The following VAPA variants were observed in gnomAD, a reference collection of about 807,000 sequenced individuals.
VAPA encodes VAMP associated protein A, also known as vesicle-associated membrane protein-associated protein A.
Under a neutral mutation model 25.6 loss-of-function variants are expected in VAPA, and 6 were observed. The observed-to-expected ratio is 0.23, with a 90% CI of 0.13 to 0.46. The LOEUF is 0.46. VAPA is among the 20% of genes least tolerant of loss of function. The pLI is 0.99. For missense variants in VAPA, 244 were observed against 302.1 expected (o/e 0.81, Z 1.43); for synonymous variants, 112 against 106.2 (o/e 1.05, Z -0.34).
chr18:9,933,360 T>G (rs1046978658), intron 2 of VAPA, among the ~76,000 whole-genome samples: 1 of 152,062 alleles, frequency 6.6e-6, no homozygotes, highest in Non-Finnish European at 1.5e-5. Context: ...GAAAAAGATG[T>G]TTTAGTGAGT....
At chr18:9,935,430 TG>T (rs1223187414) in intron 2 of VAPA, among the ~76,000 whole-genome samples, 3 of 152,008 alleles carry the variant, frequency 2.0e-5, no homozygotes, top group Non-Finnish European at 4.4e-5. Flanking sequence ...AAAAATTAGC[TG>T]GGCATGGTGG....
At chr18:9,915,884 T>A (rs2069108155) in intron 1 of VAPA, 3 of 152,244 alleles carry the variant, frequency 2.0e-5, no homozygotes, top group African/African-American at 7.2e-5. Flanking sequence ...AGTTGTGTGA[T>A]TTTTACGTAG....
chr18:9,943,760 A>T (rs1219312089), intron 4 of VAPA, among the ~76,000 whole-genome samples: 5 of 146,358 alleles, frequency 3.4e-5, no homozygotes, highest in Non-Finnish European at 7.5e-5. Context: ...TGAGGCCTTA[A>T]CTCTGACATT....
In VAPA at chr18:9,950,287, T is replaced by C. The variant is rs1350820548; in HGVS notation, c.418-108T>C. On this transcript the variant is annotated intron_variant, in intron 4 of 5. Coordinates refer to ENST00000400000, the MANE Select transcript of VAPA (RefSeq NM_194434.3). Reference sequence around the variant, plus strand: ...TGCTGACATGTACTGATTTAGGCCTTTTAAAGAGTTTTTCATGAACAAAGA... The same window carrying C: ...TGCTGACATGTACTGATTTAGGCCTCTTAAAGAGTTTTTCATGAACAAAGA... 3 of 1,265,696 alleles carry C rather than the reference T, an allele frequency of 2.4e-6. No individual in the cohort carries two copies. In the East Asian group the frequency reaches 7.5e-5, roughly 32 times the overall value. The allele number at this position is 1,265,696 out of a possible 1,614,324, so 78.4% of individuals were successfully genotyped here. A position where few individuals can be genotyped will look rare whatever the true frequency, so the allele number is the denominator to read the frequency against.
intron 3 of VAPA, chr18:9,936,768 TATC>T (rs988322930): frequency 1.3e-5 from 6 of 459,846 alleles, no homozygotes; most frequent in Non-Finnish European, 2.3e-5. Context: ...TTGCTAGTAA[TATC>T]ATCGTGATTT....
At position 9,954,105 on chromosome 18, in the gene VAPA, C is replaced by T. The variant is rs754318485; in HGVS notation, c.644C>T (p.Thr215Ile). Residue 215 changes from threonine to isoleucine, a missense_variant, in exon 6 of 6, where the codon ACC becomes ATC. By Grantham distance (89) the Thr-to-Ile change is moderately conservative. This residue lies in a region of VAPA where 145 missense variants were observed against 140.6 expected (regional missense o/e 1.03). Transcript: ENST00000400000. ...KVAHSDKPGS[T>I]STASFRDNVT... ...GCACATTCGGATAAACCTGGATCAA[C>T]CTCAACTGCATCCTTCAGAGATAAT... is the stretch of plus-strand genomic sequence containing the variant. 4 of 1,614,124 alleles carry T rather than the reference C, an allele frequency of 2.5e-6. No individual in the cohort carries two copies. The South Asian group carries it at 3.3e-5, about 13-fold the overall frequency.
Position 9,954,040 on chromosome 18 carries a change from G to C in VAPA, c.592-13G>C. The C allele has an allele frequency of 6.2e-7, 1 of 1,612,074 alleles. No individual in the cohort carries two copies. Among genetic ancestry groups the C allele is most frequent in the East Asian group, 2.2e-5 (1 of 44,818 alleles). ...GTTTTTAAAAACCTTTTGTGTGTGT[G>C]TTTTTTTTCTAGGATGAAGGTTTAA... On this transcript the variant is annotated splice_polypyrimidine_tract_variant and intron_variant, in intron 5 of 5. Coordinates refer to ENST00000400000, the MANE Select transcript of VAPA (RefSeq NM_194434.3).
In VAPA at chr18:9,943,841, C is replaced by CTTTTTTTT. The variant is rs71169911; in HGVS notation, c.418-6524_418-6517dup. On this transcript the variant is annotated intron_variant, in intron 4 of 5. Coordinates refer to ENST00000400000, the MANE Select transcript of VAPA (RefSeq NM_194434.3). ...TGACATTTGAAGGTGACATATTTCCCTTTTTTTTTTTTTTTTTTTTTTTTT... is the reference window on the plus strand; with the variant it reads ...TGACATTTGAAGGTGACATATTTCCCTTTTTTTTTTTTTTTTTTTTTTTTTTTTTTTTT... 1.6e-3 allele frequency among the ~76,000 whole-genome samples: 85 copies of CTTTTTTTT among 51,770 alleles called. 18 individuals carry two copies. The highest frequency in any genetic ancestry group is 2.1e-3 in the Non-Finnish European group (57 of 26,572). 34.0% of individuals were successfully genotyped at this position (51,770 alleles called of 152,430 possible).
At chr18:9,943,838 TC>T in intron 4 of VAPA, among the ~76,000 whole-genome samples, 2 of 136,522 alleles carry the variant, frequency 1.5e-5, no homozygotes, top group African/African-American at 2.7e-5. Flanking sequence ...GTGACATATT[TC>T]CCTTTTTTTT....
chr18:9,929,228 C>T (rs895533214), intron 1 of VAPA, among the ~76,000 whole-genome samples: 2 of 152,072 alleles, frequency 1.3e-5, no homozygotes, highest in South Asian at 2.1e-4. Flanking sequence ...TTTGAAAATT[C>T]GGTGCAATGG....
chr18:9,938,399 TTGA>T (rs1417250186), intron 4 of VAPA, among the ~76,000 whole-genome samples: 6 of 152,106 alleles, frequency 3.9e-5, no homozygotes, highest in Admixed American at 3.3e-4. Context: ...AAACCAGAAG[TTGA>T]TGGGAATGAT....
Position 9,931,903 on chromosome 18 carries a change from G to T in VAPA, c.173G>T (p.Arg58Leu). 1 of 1,612,818 alleles carries T rather than the reference G, an allele frequency of 6.2e-7. No individual in the cohort carries two copies. The change falls in exon 2 of 6, where the codon CGG becomes CTG. Residue 58 changes from arginine to leucine, a missense_variant. Around this residue, in one of 2 missense-constraint regions of VAPA, gnomAD observed 99 missense variants for 161.6 expected, o/e 0.61. Coordinates refer to ENST00000400000, the MANE Select transcript of VAPA (RefSeq NM_194434.3). Reference protein sequence around the residue: ...CFKVKTTAPRRYCVRPNSGII... With the variant: ...CFKVKTTAPRLYCVRPNSGII... ...AAAGTGAAGACTACAGCACCTCGCC[G>T]GTACTGTGTGAGGCCCAACAGTGGA...
chr18:9,925,393 A>G (rs370603391), intron 1 of VAPA, among the ~76,000 whole-genome samples: 1 of 152,146 alleles, frequency 6.6e-6, no homozygotes, highest in Non-Finnish European at 1.5e-5. Context: ...CAGGATCCAT[A>G]CTTTTATGAT....
intron 4 of VAPA, chr18:9,944,864 C>T (rs1317848188): frequency 1.3e-6 from 2 of 1,569,254 alleles, no homozygotes; most frequent in Admixed American, 1.8e-5. Context: ...TTCCCAATAT[C>T]ATGCAGAAGA....
intron 1 of VAPA, among the ~76,000 whole-genome samples, chr18:9,917,445 C>A (rs1260508809): frequency 6.6e-6 from 1 of 152,130 alleles, no homozygotes; most frequent in Non-Finnish European, 1.5e-5. Flanking sequence ...CATGCACTAC[C>A]ATGCCCAGCT....
intron 1 of VAPA, among the ~76,000 whole-genome samples, chr18:9,929,242 CAT>C (rs1033711031): frequency 6.6e-5 from 10 of 152,124 alleles, no homozygotes; most frequent in Admixed American, 6.6e-4. Flanking sequence ...GCAATGGGAA[CAT>C]AGTACTTCAT....
intron 4 of VAPA, among the ~76,000 whole-genome samples, chr18:9,942,940 TA>T (rs1262474289): frequency 6.6e-6 from 1 of 152,194 alleles, no homozygotes; most frequent in East Asian, 1.9e-4. Flanking sequence ...CCATATCAAG[TA>T]TGTTGTATGC....
intron 4 of VAPA, among the ~76,000 whole-genome samples, chr18:9,943,866 T>TTTC (rs2069392305): frequency 9.8e-6 from 1 of 102,058 alleles, no homozygotes; most frequent in African/African-American, 4.0e-5. Context: ...TTTTTTTTTT[T>TTTC]TTTTTTTTTT....
chr18:9,917,741 T>C (rs1356386868), intron 1 of VAPA, among the ~76,000 whole-genome samples: 1 of 152,144 alleles, frequency 6.6e-6, no homozygotes, highest in Non-Finnish European at 1.5e-5. Context: ...AATTAAGCTC[T>C]CTGAGGGATC....
Sources: gnomAD v4.1 joint callset for allele counts (sites outside exome capture counted in the v4.1 genomes callset) on GRCh38, gnomAD v4.1.1 for gene constraint, gnomAD v4.1.1 regional missense constraint, MANE v1.5 for transcripts, NCBI Gene and HGNC (gene_info 2026-07-23, HGNC 2026-07-21) for gene names.